The following YIPF7 variants were observed in gnomAD, a reference collection of about 807,000 sequenced individuals.
YIPF7 encodes the protein protein YIPF7.
Under a neutral mutation model 27.2 loss-of-function variants are expected in YIPF7, and 35 were observed. The ratio of observed to expected loss-of-function variants is 1.29; its 90% CI spans 0.98 to 1.70. The LOEUF (loss-of-function observed/expected upper bound fraction) is 1.70. Among genes scored for constraint, YIPF7 ranks in the 40% most tolerant of loss-of-function variants. YIPF7 has a pLI of 0.00. For synonymous variants in YIPF7, 137 were observed against 110.4 expected, an observed-to-expected ratio of 1.24 and a Z score of -1.51; for missense variants, 358 against 303.7, an observed-to-expected ratio of 1.18 and a Z score of -1.33.
chr4:44,654,099 C>T (rs773191539), upstream of YIPF7, among the ~76,000 whole-genome samples: 9 of 151,966 alleles, frequency 5.9e-5, no homozygotes, highest in Admixed American at 3.3e-4. Context: ...ACTTCAGCCT[C>T]TTTAGAAGTG....
rs780560919 is a variant in YIPF7 at position 44,629,463 on chromosome 4, A to G, written c.366T>C (p.Asn122=). The G allele has an allele frequency of 3.8e-6, 6 of 1,599,864 alleles. No individual in the cohort carries two copies. In the South Asian group the frequency reaches 6.8e-5, roughly 18 times the overall value. ...GAATGGGTCCAGTGAGGTCCGTTTCATTCATAATGCTGCCATCTACTGGCT... is the reference window on the plus strand; with the variant it reads ...GAATGGGTCCAGTGAGGTCCGTTTCGTTCATAATGCTGCCATCTACTGGCT... The part of the protein sequence containing the change: ...PMKPVDGSIM[N]ETDLTGPILF... The change falls in exon 4 of 6, where the codon AAT becomes AAC. Residue 122 remains asparagine (N), a synonymous_variant. Coordinates refer to ENST00000415895, the MANE Select transcript of YIPF7 (RefSeq NM_182592.3).
intron 2 of YIPF7, among the ~76,000 whole-genome samples, chr4:44,641,240 C>T (rs1268592896): frequency 6.6e-6 from 1 of 152,028 alleles, no homozygotes; most frequent in South Asian, 2.1e-4. Context: ...CTGTTGAATT[C>T]CAATGTTCTG....
intron 3 of YIPF7, among the ~76,000 whole-genome samples, chr4:44,630,420 A>G (rs558208610): frequency 6.6e-6 from 1 of 152,230 alleles, no homozygotes; most frequent in Non-Finnish European, 1.5e-5. Context: ...GAGCAATTTT[A>G]TGCTAAATGC....
intron 2 of YIPF7, among the ~76,000 whole-genome samples, chr4:44,644,662 G>A (rs1713461456): frequency 6.6e-6 from 1 of 152,156 alleles, no homozygotes; most frequent in Non-Finnish European, 1.5e-5. Context: ...TTGAGTTAAT[G>A]CTGGAGTGAG....
At position 44,624,634 on chromosome 4, in the gene YIPF7, A is replaced by G. The variant is rs1166013387; in HGVS notation, c.575T>C (p.Ile192Thr). ...AAAGAACATGGCGCAACCAGACAGG[A>G]TGACCATGGGGAGCAGGCAGTAACC... ...VLGYCLLPMV[I>T]LSGCAMFFSL... is the part of the protein sequence containing the mutation. The change falls in exon 5 of 6, where the codon ATC (isoleucine) becomes ACC (threonine). Residue 192 changes from isoleucine (I) to threonine (T), a missense_variant. Transcript: ENST00000415895. The G allele has an allele frequency of 8.8e-6, 14 of 1,599,212 alleles. No homozygotes were observed. The highest frequency in any genetic ancestry group is 1.2e-5 in the Non-Finnish European group (14 of 1,173,530).
intron 5 of YIPF7, among the ~76,000 whole-genome samples, chr4:44,623,106 T>C (rs1436450228): frequency 6.6e-6 from 1 of 152,202 alleles, no homozygotes; most frequent in Admixed American, 6.5e-5. Context: ...CACATATGTG[T>C]GTGGCTTCCC....
upstream of YIPF7, among the ~76,000 whole-genome samples, chr4:44,655,729 T>C (rs983134412): frequency 3.0e-4 from 45 of 152,202 alleles, no homozygotes; most frequent in Admixed American, 1.6e-3. Flanking sequence ...TAATGCATTT[T>C]TATCAGTATT....
upstream of YIPF7, among the ~76,000 whole-genome samples, chr4:44,654,331 C>G (rs369612794): frequency 3.3e-5 from 5 of 151,930 alleles, no homozygotes; most frequent in African/African-American, 7.2e-5. Context: ...GTTTCTGTGT[C>G]CTGAATGACC....
At chr4:44,649,527 T>C (rs907085179) in intron 2 of YIPF7, among the ~76,000 whole-genome samples, 5 of 151,964 alleles carry the variant, frequency 3.3e-5, no homozygotes, top group Non-Finnish European at 7.4e-5. Flanking sequence ...TCCAAACACT[T>C]TGGGAGGCCC....
intron 2 of YIPF7, among the ~76,000 whole-genome samples, chr4:44,659,054 T>C (rs9993816): frequency 0.54 from 82,825 of 152,014 alleles, 23,546 homozygotes; most frequent in Non-Finnish European, 0.64. Flanking sequence ...ACACAGTTAC[T>C]GTACTCTCCC....
chr4:44,649,663 T>C (rs1321499551), intron 2 of YIPF7, among the ~76,000 whole-genome samples: 1 of 150,018 alleles, frequency 6.7e-6, no homozygotes, highest in Non-Finnish European at 1.5e-5. Context: ...CCTATAATCC[T>C]AGCTACATGC....
At chr4:44,631,013 T>A (rs994847279) in intron 3 of YIPF7, among the ~76,000 whole-genome samples, 1 of 152,216 alleles carries the variant, frequency 6.6e-6, no homozygotes, top group African/African-American at 2.4e-5. Context: ...GTGTTTGCTA[T>A]GGACTCCACA....
At chr4:44,642,936 G>T (rs1376399528) in intron 2 of YIPF7, among the ~76,000 whole-genome samples, 1 of 152,112 alleles carries the variant, frequency 6.6e-6, no homozygotes, top group Non-Finnish European at 1.5e-5. Flanking sequence ...TTATAGTAGT[G>T]TAAGAATGGC....
At chr4:44,661,251 T>A (rs908633221) in intron 1 of YIPF7, among the ~76,000 whole-genome samples, 44 of 152,328 alleles carry the variant, frequency 2.9e-4, no homozygotes, top group African/African-American at 1.0e-3. Flanking sequence ...AACCATTTGT[T>A]AAGACTTCAG....
chr4:44,639,563 G>A (rs1713257226), intron 2 of YIPF7, among the ~76,000 whole-genome samples: 1 of 152,090 alleles, frequency 6.6e-6, no homozygotes. Context: ...TTATACATAT[G>A]TATTTTATAT....
chr4:44,650,610 C>T (rs1406155389), intron 1 of YIPF7, among the ~76,000 whole-genome samples: 4 of 152,112 alleles, frequency 2.6e-5, no homozygotes, highest in African/African-American at 4.8e-5. Context: ...ACCCTACAAA[C>T]CCATTTCCTT....
chr4:44,636,080 T>G lies in YIPF7; in HGVS notation c.122A>C (p.Gln41Pro). The change falls in exon 3 of 6, where the codon CAA becomes CCA. Residue 41 changes from glutamine to proline, a missense_variant. Physicochemically the swap from Gln to Pro is moderately conservative, Grantham distance 76 (BLOSUM62 -1). Transcript: ENST00000415895. ...GGCAGGCTGAGGCTGCTCACCAGCT[T>G]GTTGTCTAGAAAAAGAAAAATACAA... is the stretch of plus-strand genomic sequence containing the variant. ...YGNLYGSRKQ[Q>P]AGEQPQPASF... The G allele has an allele frequency of 6.2e-7, 1 of 1,602,146 alleles. No homozygotes were observed. The highest frequency in any genetic ancestry group is 8.5e-7 in the Non-Finnish European group (1 of 1,173,484).
intron 2 of YIPF7, among the ~76,000 whole-genome samples, chr4:44,660,130 A>AAAAAAAAAC (rs1560332853): frequency 6.8e-6 from 1 of 147,286 alleles, no homozygotes; most frequent in African/African-American, 2.5e-5. Context: ...AAAAAAAAAA[A>AAAAAAAAAC]AAAAAACGAA....
At chr4:44,656,017 T>TCCA (rs1713893011), upstream of YIPF7, among the ~76,000 whole-genome samples, 1 of 152,056 alleles carries the variant, frequency 6.6e-6, no homozygotes, top group African/African-American at 2.4e-5. Context: ...CTTCTGAATT[T>TCCA]CCACTTTTTT....
Sources: gnomAD v4.1 joint callset for allele counts (sites outside exome capture counted in the v4.1 genomes callset) on GRCh38, gnomAD v4.1.1 for gene constraint, MANE v1.5 for transcripts, NCBI Gene and HGNC (gene_info 2026-07-23, HGNC 2026-07-21) for gene names.